CERS6: variants seen among roughly 807,000 people sequenced by gnomAD.
CERS6 encodes the protein LAG1 homolog, ceramide synthase 6.
Under a neutral mutation model 56.8 loss-of-function variants are expected in CERS6, and 26 were observed. That is an observed-to-expected ratio of 0.46 (90% confidence interval 0.34 to 0.63). The LOEUF (loss-of-function observed/expected upper bound fraction) is 0.63. Ranked by LOEUF, CERS6 falls within the 30% of genes least tolerant of loss-of-function variation. The pLI, the probability that CERS6 is intolerant of heterozygous loss-of-function variation, is 0.01. For synonymous variants in CERS6, 164 were observed against 173.3 expected (o/e 0.95, Z 0.42); for missense variants, 415 against 467.5 (o/e 0.89, Z 1.04).
At chr2:168,718,222 C>T (rs759188964) in intron 8 of CERS6, among the ~76,000 whole-genome samples, 7 of 152,182 alleles carry the variant, frequency 4.6e-5, no homozygotes, top group Non-Finnish European at 8.8e-5. Flanking sequence ...AGAAAGCCAT[C>T]TGTCATAGAA....
intron 4 of CERS6, among the ~76,000 whole-genome samples, chr2:168,665,863 A>T (rs1685744555): frequency 6.6e-6 from 1 of 152,144 alleles, no homozygotes; most frequent in African/African-American, 2.4e-5. Context: ...ATGGCATATT[A>T]TCTTCCAAGC....
intron 6 of CERS6, among the ~76,000 whole-genome samples, 164 bp from the exon 7 acceptor site, chr2:168,714,837 G>A (rs1198807278): frequency 2.0e-5 from 3 of 152,106 alleles, no homozygotes; most frequent in Admixed American, 6.5e-5. Context: ...CTCCCAACAC[G>A]TGATGGACTC....
At chr2:168,751,700 T>TC (rs1380697058) in intron 8 of CERS6, among the ~76,000 whole-genome samples, 1 of 152,022 alleles carries the variant, frequency 6.6e-6, no homozygotes, top group Non-Finnish European at 1.5e-5. Context: ...TTAATCTAGT[T>TC]CCCCCACCCC....
chr2:168,533,217 T>G (rs2105363663), intron 1 of CERS6, among the ~76,000 whole-genome samples: 1 of 152,342 alleles, frequency 6.6e-6, no homozygotes, highest in Middle Eastern at 3.4e-3. Flanking sequence ...GGCCTGAAAT[T>G]TTCTTTTTTT....
chr2:168,484,175 T>C (rs1241429944), intron 1 of CERS6, among the ~76,000 whole-genome samples: 5 of 91,252 alleles, frequency 5.5e-5, no homozygotes, highest in Non-Finnish European at 1.1e-4. Context: ...CTGTTTTTTT[T>C]TTTTTTTTTT....
At chr2:168,607,954 T>G (rs757779811) in intron 3 of CERS6, among the ~76,000 whole-genome samples, 5 of 152,194 alleles carry the variant, frequency 3.3e-5, no homozygotes, top group Non-Finnish European at 7.3e-5. Context: ...GTATGTTCCA[T>G]CCTTCTGAAT....
At chr2:168,570,516 G>A (rs1695966456) in intron 3 of CERS6, among the ~76,000 whole-genome samples, 1 of 152,152 alleles carries the variant, frequency 6.6e-6, no homozygotes, top group African/African-American at 2.4e-5. Context: ...AACAAAGCCT[G>A]GTCCTCTGTG....
At chr2:168,660,882 T>A (rs1028831494) in intron 4 of CERS6, among the ~76,000 whole-genome samples, 3 of 152,220 alleles carry the variant, frequency 2.0e-5, no homozygotes, top group African/African-American at 7.2e-5. Context: ...ATCATCTCTT[T>A]CCTAGAGTAT....
At chr2:168,628,817 TC>T (rs1467663636) in intron 3 of CERS6, among the ~76,000 whole-genome samples, 1 of 150,468 alleles carries the variant, frequency 6.6e-6, no homozygotes, top group African/African-American at 2.5e-5. Flanking sequence ...CTAATTTCAT[TC>T]TTTTTCTGTT....
intron 1 of CERS6, among the ~76,000 whole-genome samples, chr2:168,519,469 A>G (rs1057309006): frequency 6.6e-6 from 1 of 152,044 alleles, no homozygotes; most frequent in African/African-American, 2.4e-5. Flanking sequence ...ATGATCTGTC[A>G]CCCAAGTAAT....
intron 4 of CERS6, among the ~76,000 whole-genome samples, chr2:168,651,803 C>T (rs1317914909): frequency 5.3e-5 from 8 of 152,162 alleles, no homozygotes; most frequent in Admixed American, 4.6e-4. Context: ...CAAACCATAT[C>T]AGTAACTTTA....
intron 1 of CERS6, among the ~76,000 whole-genome samples, chr2:168,532,602 C>T (rs1002087011): frequency 6.6e-6 from 1 of 152,062 alleles, no homozygotes; most frequent in African/African-American, 2.4e-5. Context: ...TAAATTGTAG[C>T]TGTCTCAGGG....
intron 1 of CERS6, among the ~76,000 whole-genome samples, chr2:168,503,461 T>A (rs1024966978): frequency 1.3e-5 from 2 of 152,194 alleles, no homozygotes; most frequent in Non-Finnish European, 2.9e-5. Flanking sequence ...GCAAGTTAGT[T>A]GACTGGCTGA....
intron 6 of CERS6, among the ~76,000 whole-genome samples, chr2:168,710,529 GA>G (rs1687063904): frequency 6.6e-6 from 1 of 152,182 alleles, no homozygotes; most frequent in African/African-American, 2.4e-5. Context: ...AATATTAGTT[GA>G]AAGGTAAGCT....
intron 1 of CERS6, among the ~76,000 whole-genome samples, chr2:168,513,020 C>T (rs1694816898): frequency 6.6e-6 from 1 of 152,114 alleles, no homozygotes; most frequent in African/African-American, 2.4e-5. Context: ...ACTTTTCTCT[C>T]ATTTTTAATT....
intron 3 of CERS6, among the ~76,000 whole-genome samples, chr2:168,590,787 A>G (rs1461192583): frequency 6.6e-6 from 1 of 152,194 alleles, no homozygotes; most frequent in Non-Finnish European, 1.5e-5. Flanking sequence ...CATCTGTGGT[A>G]GGTTCTGTTT....
At chr2:168,764,499 G>A (rs181654636) in intron 8 of CERS6, among the ~76,000 whole-genome samples, 1 of 152,002 alleles carries the variant, frequency 6.6e-6, no homozygotes, top group Non-Finnish European at 1.5e-5. Context: ...TCATTTCAAG[G>A]CATCATCAAA....
At chr2:168,768,756 A>G (rs975408526) in intron 9 of CERS6, among the ~76,000 whole-genome samples, 1 of 151,852 alleles carries the variant, frequency 6.6e-6, no homozygotes, top group African/African-American at 2.4e-5. Flanking sequence ...AAATACAAAA[A>G]TTAGCTGGGC....
intron 1 of CERS6, among the ~76,000 whole-genome samples, chr2:168,537,298 C>T (rs190702556): frequency 3.3e-5 from 5 of 152,234 alleles, no homozygotes; most frequent in Admixed American, 2.6e-4. Flanking sequence ...GATAATTGTG[C>T]GTGAAAATCT....
Sources: allele counts gnomAD v4.1 joint callset (sites outside exome capture counted in the v4.1 genomes callset), GRCh38; gene constraint gnomAD v4.1.1; transcripts MANE v1.5; gene names NCBI Gene and HGNC (gene_info 2026-07-23, HGNC 2026-07-21).